HSPG2: variants seen among roughly 807,000 people sequenced by gnomAD.
HSPG2 encodes the protein basement membrane-specific heparan sulfate proteoglycan core protein.
In HSPG2, 278 loss-of-function variants were observed where a neutral mutation model predicts 526.6. The ratio of observed to expected loss-of-function variants is 0.53; its 90% CI spans 0.48 to 0.58. The LOEUF is 0.58. Ranked by LOEUF, HSPG2 falls within the 20% of genes least tolerant of loss-of-function variation. The probability of loss-of-function intolerance (pLI) is 0.00; values close to 1 mark genes in which losing one functional copy is unlikely to be tolerated. For missense variants in HSPG2, 5,354 were observed against 6,099.5 expected, an observed-to-expected ratio of 0.88 and a Z score of 4.07; for synonymous variants, 2,465 against 2,555.4, an observed-to-expected ratio of 0.96 and a Z score of 1.07.
intron 1 of HSPG2, among the ~76,000 whole-genome samples, chr1:21,922,840 T>G (rs11579545): frequency 2.0e-5 from 3 of 151,996 alleles, no homozygotes; most frequent in African/African-American, 7.2e-5. Context: ...GCCCTAGCCA[T>G]CCCAGTACCC....
chr1:21,886,704 C>G lies in HSPG2; in HGVS notation c.1078+511G>C, dbSNP rs146342215. ...GATGGATGGGAGGGAAGAAGGACGACAGATGGATGGGTGGATAGATGGATG... is the reference window on the plus strand; with the variant it reads ...GATGGATGGGAGGGAAGAAGGACGAGAGATGGATGGGTGGATAGATGGATG... On this transcript the variant is annotated intron_variant, in intron 9 of 96. Coordinates refer to ENST00000374695, the MANE Select transcript of HSPG2 (RefSeq NM_005529.7). Among the ~76,000 whole-genome samples the G allele has an allele frequency of 9.5e-3, 1,451 of 152,050 alleles. 9 individuals are homozygous for G. Among genetic ancestry groups the G allele is most frequent in the Middle Eastern group, 0.031 (9 of 294 alleles).
rs148473077 is a variant in HSPG2, at chr1:21,844,149, T to C, written c.8615A>G (p.Gln2872Arg). Residue 2872 changes from glutamine to arginine, a missense_variant and splice_region_variant, in exon 65 of 97, where the codon CAG becomes CGG. Physicochemically the swap from Gln to Arg is conservative, Grantham distance 43. Coordinates refer to ENST00000374695, the MANE Select transcript of HSPG2 (RefSeq NM_005529.7). ...KRGGNLPARH[Q>R]VHGPLLRLNQ... ...TGCATCCTTCTCCAGCTCCTTTACC[T>C]GGTGCCGGGCAGGGAGGTTTCCTCC... The C allele has an allele frequency of 3.1e-6, 5 of 1,612,880 alleles. No homozygotes were observed. Among genetic ancestry groups the C allele is most frequent in the Non-Finnish European group, 4.2e-6 (5 of 1,179,980 alleles).
At chr1:21,863,686 G>GA (rs1446600796) in intron 37 of HSPG2, among the ~76,000 whole-genome samples, 2 of 148,258 alleles carry the variant, frequency 1.3e-5, no homozygotes, top group African/African-American at 5.0e-5. Flanking sequence ...GGCAGAACGA[G>GA]ACTGAGACCC....
intron 1 of HSPG2, among the ~76,000 whole-genome samples, chr1:21,930,279 T>C (rs1411442794): frequency 6.6e-6 from 1 of 152,184 alleles, no homozygotes; most frequent in Non-Finnish European, 1.5e-5. Context: ...TTCAAATTTA[T>C]CTTATCAGAG....
chr1:21,854,635 C>T lies in HSPG2; in HGVS notation c.6264G>A (p.Gly2088=). ...CCTGGGTGTGGGGAGGCAGGCTACC[C>T]CCTCGCCTGTACCAGGTGACCTGGG... ...AHAQVTWYRR[G]GSLPPHTQVH... The change falls in exon 49 of 97, where the codon GGG becomes GGA. Residue 2088 remains glycine, a synonymous_variant. Transcript: ENST00000374695. The T allele has an allele frequency of 6.3e-7, 1 of 1,579,500 alleles. No homozygotes were observed. The highest frequency in any genetic ancestry group is 1.7e-4 in the Middle Eastern group (1 of 5,966).
At position 21,880,848 on chromosome 1, in the gene HSPG2, G is replaced by C. The variant is rs556061601; in HGVS notation, c.1819-13C>G. 1.9e-6 allele frequency: 3 copies of C among 1,584,354 alleles called. No homozygotes were observed. Among genetic ancestry groups the C allele is most frequent in the Admixed American group, 1.8e-5 (1 of 55,988 alleles). ...CATAGGAGTCCACCTGGCACAACAG[G>C]GTGGATCAGCACGGGCAGCTGTGGG... On this transcript the variant is annotated splice_polypyrimidine_tract_variant and intron_variant, in intron 14 of 96. Coordinates refer to ENST00000374695, the MANE Select transcript of HSPG2 (RefSeq NM_005529.7).
chr1:21,835,697 A>G (rs2098023696), intron 75 of HSPG2, 60 bp from the exon 76 acceptor site: 1 of 1,351,148 alleles, frequency 7.4e-7, no homozygotes, highest in Non-Finnish European at 1.1e-6. Context: ...AATGCTTTGC[A>G]ATTGGGCTGG....
intron 33 of HSPG2, among the ~76,000 whole-genome samples, chr1:21,871,940 G>A (rs2152744087): frequency 6.6e-6 from 1 of 152,360 alleles, no homozygotes; most frequent in African/African-American, 2.4e-5. Flanking sequence ...GAACAGCTGA[G>A]CACTTATTAT....
At position 21,887,505 on chromosome 1, in the gene HSPG2, T is replaced by C. The variant is rs1350233072; in HGVS notation, c.873A>G (p.Ala291=). 5 of 1,613,988 alleles carry C rather than the reference T, an allele frequency of 3.1e-6. No homozygotes were observed. Among genetic ancestry groups the C allele is most frequent in the Middle Eastern group, 1.7e-4 (1 of 6,042 alleles). ...RPLPCGPQEA[A]CRNGHCIPRD... is the part of the protein sequence containing the mutation. Reference sequence around the variant, plus strand: ...TGGGGATGCAGTGCCCATTGCGGCATGCGGCCTCCTGGGGCCCACAGGGCA... The same window carrying C: ...TGGGGATGCAGTGCCCATTGCGGCACGCGGCCTCCTGGGGCCCACAGGGCA... Residue 291 remains alanine (A), a synonymous_variant, in exon 8 of 97, where the codon GCA becomes GCG. Transcript: ENST00000374695. This position sits in a 1 kb window ranked among gnomAD's most constrained non-coding sequence, Gnocchi z 5.0.
At chr1:21,826,869 C>T (rs1223631286) in intron 91 of HSPG2, among the ~76,000 whole-genome samples, 1 of 152,212 alleles carries the variant, frequency 6.6e-6, no homozygotes, top group African/African-American at 2.4e-5. Flanking sequence ...ACACATTGTT[C>T]TAGGCATTTA....
chr1:21,842,243 G>A lies in HSPG2; in HGVS notation c.9048C>T (p.Ser3016=), dbSNP rs2098051684. The change falls in exon 68 of 97, where the codon TCC becomes TCT. Residue 3016 remains serine (S), a synonymous_variant. Coordinates refer to ENST00000374695, the MANE Select transcript of HSPG2 (RefSeq NM_005529.7). ...CATGGCATCTGCCATACTCACGGTA[G>A]GAAGACCCCTCACTGGGCGGGACGG... The part of the protein sequence containing the change: ...TVTVPPSEGS[S]YRLRSPVISI... The A allele has an allele frequency of 6.2e-7, 1 of 1,613,602 alleles. No individual in the cohort carries two copies. The highest frequency in any genetic ancestry group is 2.2e-5 in the East Asian group (1 of 44,882).
chr1:21,857,242 C>G, intron 43 of HSPG2, 43 bp downstream of exon 43: 1 of 1,613,940 alleles, frequency 6.2e-7, no homozygotes, highest in East Asian at 2.2e-5. Flanking sequence ...TCAGAGACCC[C>G]AGAAGACAGA....
chr1:21,871,003 GC>G (rs750141749), intron 33 of HSPG2: 2 of 403,228 alleles, frequency 5.0e-6, no homozygotes, highest in Non-Finnish European at 6.7e-6. Flanking sequence ...AAGGCAGCCA[GC>G]CCCGGGAGAA....
chr1:21,824,784 GGGAGAGA>G lies in HSPG2; in HGVS notation c.12590-12_12590-6del, dbSNP rs772906982. ...CTCCGTACTGCCCAGGGGCATCTGT[GGGAGAGA>G]GGAGGGTGGTGCCATACCTGCTGCA... On this transcript the variant is annotated splice_polypyrimidine_tract_variant and splice_region_variant and intron_variant, in intron 91 of 96. Coordinates refer to ENST00000374695, the MANE Select transcript of HSPG2 (RefSeq NM_005529.7). This position sits in a 1 kb window ranked among gnomAD's most constrained non-coding sequence, Gnocchi z 5.9. 3 of 1,610,602 alleles carry G rather than the reference GGGAGAGA, an allele frequency of 1.9e-6. No homozygotes were observed. In the African/African-American group the frequency reaches 4.0e-5, roughly 22 times the overall value.
At chr1:21,931,319 T>G (rs1372847653) in intron 1 of HSPG2, among the ~76,000 whole-genome samples, 1 of 152,224 alleles carries the variant, frequency 6.6e-6, no homozygotes, top group Non-Finnish European at 1.5e-5. Context: ...CTTCTGGGTT[T>G]CAGTCAGCCA....
rs970773044 is a variant in HSPG2 at position 21,869,385 on chromosome 1, T to C, written c.4221+2801A>G. ...TAATAGTCCAAGTAGTTCACAGAAA[T>C]TGGTGAAGTTGGTTCAGAAATGACT... is the stretch of plus-strand genomic sequence containing the variant. On this transcript the variant is annotated intron_variant, in intron 33 of 96. Transcript: ENST00000374695. The C allele has an allele frequency of 1.9e-5, 18 of 933,430 alleles. No homozygotes were observed. The East Asian group carries it at 4.7e-4, about 24-fold the overall frequency. The allele number at this position is 933,430 out of a possible 1,614,324, so 57.8% of individuals were successfully genotyped here.
Position 21,832,586 on chromosome 1 carries a change from G to C in HSPG2, c.11116C>G (p.Gln3706Glu). 1.2e-6 allele frequency: 2 copies of C among 1,614,132 alleles called. No homozygotes were observed. Among genetic ancestry groups the C allele is most frequent in the Non-Finnish European group, 1.7e-6 (2 of 1,179,990 alleles). Reference protein sequence around the residue: ...SADGMLLYNGQKRVPGSPTNL... With the variant: ...SADGMLLYNGEKRVPGSPTNL... ...GTGGGGCTCCCTGGGACTCGCTTCT[G>C]CCCATTGTACAGCAGCATCCCTGGG... The change falls in exon 81 of 97, where the codon CAG (glutamine) becomes GAG (glutamate). Residue 3706 changes from glutamine (Q) to glutamate (E), a missense_variant. Physicochemically the swap from Gln to Glu is conservative, Grantham distance 29. Coordinates refer to ENST00000374695, the MANE Select transcript of HSPG2 (RefSeq NM_005529.7).
Position 21,890,553 on chromosome 1 carries a change from C to T in HSPG2, c.354+32G>A. On this transcript the variant is annotated intron_variant, in intron 4 of 96. Coordinates refer to ENST00000374695, the MANE Select transcript of HSPG2 (RefSeq NM_005529.7). The surrounding 1 kb of genome is among the most constrained non-coding windows in gnomAD (Gnocchi z 4.1). ...CCATCCTCGGTCCTGCCCCGCCACA[C>T]CCGCGAGCTTCCCAAACCCCCTTCA... 1 of 1,609,538 alleles carries T rather than the reference C, an allele frequency of 6.2e-7. No homozygotes were observed. The highest frequency in any genetic ancestry group is 8.5e-7 in the Non-Finnish European group (1 of 1,175,772).
At chr1:21,827,750 C>T in intron 91 of HSPG2, 113 bp downstream of exon 91, 2 of 1,104,394 alleles carry the variant, frequency 1.8e-6, no homozygotes, top group African/African-American at 1.5e-5. Flanking sequence ...TCTCTCTGCC[C>T]AGCAAGCTCC....
Sources: allele counts gnomAD v4.1 joint callset (sites outside exome capture counted in the v4.1 genomes callset), GRCh38; gene constraint gnomAD v4.1.1; non-coding constraint Gnocchi (gnomAD v3.1); transcripts MANE v1.5; gene names NCBI Gene and HGNC (gene_info 2026-07-23, HGNC 2026-07-21).